Variants in SUMF1 observed in about 807,000 individuals in gnomAD.
The protein encoded by SUMF1 is formylglycine-generating enzyme.
In SUMF1, 48 loss-of-function variants were observed where a neutral mutation model predicts 47.6. That is an observed-to-expected ratio of 1.01 (90% confidence interval 0.80 to 1.28). The LOEUF is 1.28. Among genes scored for constraint, SUMF1 ranks in the 50% most tolerant of loss-of-function variants. The probability of loss-of-function intolerance (pLI) is 0.00; values close to 1 mark genes in which losing one functional copy is unlikely to be tolerated. For missense variants in SUMF1, 571 were observed against 485.4 expected (o/e 1.18, Z -1.66); for synonymous variants, 230 against 192.1 (o/e 1.20, Z -1.63).
At chr3:4,167,908 C>T (rs1001536849) in intron 8 of SUMF1, among the ~76,000 whole-genome samples, 1 of 152,164 alleles carries the variant, frequency 6.6e-6, no homozygotes, top group African/African-American at 2.4e-5. Flanking sequence ...GAAGATAAAG[C>T]AGGCATCTCT....
intron 1 of SUMF1, among the ~76,000 whole-genome samples, chr3:4,458,139 C>T (rs2079714950): frequency 6.6e-6 from 1 of 152,170 alleles, no homozygotes; most frequent in Non-Finnish European, 1.5e-5. Flanking sequence ...ATGCTCTTCA[C>T]AACTAATTAC....
At chr3:4,404,577 G>A (rs572585151) in intron 7 of SUMF1, among the ~76,000 whole-genome samples, 2 of 152,056 alleles carry the variant, frequency 1.3e-5, no homozygotes, top group Admixed American at 6.6e-5. Flanking sequence ...GACCAACATG[G>A]CGAAACCCCG....
chr3:4,295,644 T>C (rs1282988435), intron 8 of SUMF1, among the ~76,000 whole-genome samples: 1 of 152,226 alleles, frequency 6.6e-6, no homozygotes, highest in African/African-American at 2.4e-5. Flanking sequence ...ATAATAAATT[T>C]GTTCATATGT....
intron 8 of SUMF1, among the ~76,000 whole-genome samples, chr3:4,189,268 C>G (rs1334771144): frequency 6.6e-6 from 1 of 152,092 alleles, no homozygotes; most frequent in Non-Finnish European, 1.5e-5. Context: ...ATACTCCATA[C>G]CAGCAGACTT....
intron 7 of SUMF1, among the ~76,000 whole-genome samples, chr3:4,378,403 T>C (rs1312435923): frequency 3.9e-5 from 6 of 152,196 alleles, no homozygotes; most frequent in African/African-American, 1.4e-4. Context: ...AGTCAAACCA[T>C]TGTAAGTAGG....
At chr3:4,392,177 C>T (rs1700890341) in intron 7 of SUMF1, among the ~76,000 whole-genome samples, 1 of 152,098 alleles carries the variant, frequency 6.6e-6, no homozygotes, top group Non-Finnish European at 1.5e-5. Context: ...CTTTCTTCTA[C>T]CATTTCTTAT....
intron 9 of SUMF1, among the ~76,000 whole-genome samples, chr3:4,041,712 A>G (rs540555427): frequency 1.3e-5 from 2 of 152,306 alleles, no homozygotes; most frequent in East Asian, 3.9e-4. Flanking sequence ...AAAATAACAC[A>G]TCTTGTAAGG....
chr3:4,178,568 AC>A (rs1297444967), intron 8 of SUMF1, among the ~76,000 whole-genome samples: 1 of 152,160 alleles, frequency 6.6e-6, no homozygotes, highest in Non-Finnish European at 1.5e-5. Context: ...TTTATGACAA[AC>A]CCACAGCCAA....
chr3:4,392,009 G>T (rs1046168755), intron 7 of SUMF1, among the ~76,000 whole-genome samples: 3 of 151,690 alleles, frequency 2.0e-5, no homozygotes, highest in African/African-American at 7.3e-5. Flanking sequence ...TTTATTTCTT[G>T]TAGAGACATG....
intron 8 of SUMF1, among the ~76,000 whole-genome samples, chr3:4,154,239 T>G (rs1400716312): frequency 6.6e-6 from 1 of 151,516 alleles, no homozygotes; most frequent in Non-Finnish European, 1.5e-5. Context: ...TGGTGGATTC[T>G]GGGTCTGAAT....
intron 8 of SUMF1, among the ~76,000 whole-genome samples, chr3:4,306,263 C>T (rs1023517671): frequency 6.6e-6 from 1 of 152,114 alleles, no homozygotes; most frequent in Admixed American, 6.5e-5. Context: ...TTTTAATTAA[C>T]TCACTTTAAG....
intron 8 of SUMF1, among the ~76,000 whole-genome samples, chr3:4,311,330 G>A (rs1166420891): frequency 1.3e-5 from 2 of 152,148 alleles, no homozygotes; most frequent in Admixed American, 6.6e-5. Context: ...TAATAATGGA[G>A]GATTGACTGG....
At chr3:4,236,792 C>T (rs1425539556) in intron 8 of SUMF1, among the ~76,000 whole-genome samples, 1 of 152,016 alleles carries the variant, frequency 6.6e-6, no homozygotes, top group Non-Finnish European at 1.5e-5. Context: ...TAAGGTTCAC[C>T]CTTAGTGTTG....
chr3:4,215,423 C>A (rs187963953), intron 8 of SUMF1, among the ~76,000 whole-genome samples: 1 of 152,126 alleles, frequency 6.6e-6, no homozygotes, highest in Non-Finnish European at 1.5e-5. Flanking sequence ...TTATGACAAA[C>A]CCACAGCCAA....
At chr3:4,155,200 A>G (rs984187694) in intron 8 of SUMF1, among the ~76,000 whole-genome samples, 12 of 151,436 alleles carry the variant, frequency 7.9e-5, no homozygotes, top group South Asian at 2.1e-4. Context: ...GGCCAGTCCT[A>G]TGCCAATTAA....
Position 4,244,230 on chromosome 3 carries a change from T to G in SUMF1, c.1014+132100A>C, listed in dbSNP as rs988273776. 2.6e-5 allele frequency among the ~76,000 whole-genome samples: 4 copies of G among 152,362 alleles called. No individual in the cohort carries two copies. The East Asian group carries it at 7.7e-4, about 29-fold the overall frequency. ...CTATCCAACTTGCCAGTCTGTGTCT[T>G]TTAATTGGGGCATTTAGCCCATTTA... On this transcript the variant is annotated intron_variant and NMD_transcript_variant, in intron 8 of 12. Coordinates refer to the SUMF1 transcript ENST00000448413.
At chr3:4,171,749 G>A (rs999035177) in intron 8 of SUMF1, among the ~76,000 whole-genome samples, 1 of 152,128 alleles carries the variant, frequency 6.6e-6, no homozygotes, top group African/African-American at 2.4e-5. Context: ...AGATGGAGTT[G>A]TAGGCTGGGA....
intron 9 of SUMF1, among the ~76,000 whole-genome samples, chr3:4,046,532 A>G (rs1487128446): frequency 6.6e-6 from 1 of 152,130 alleles, no homozygotes; most frequent in Non-Finnish European, 1.5e-5. Context: ...CTTCGTCTCA[A>G]TAAATGTCAC....
At chr3:4,421,027 C>T (rs148051667) in intron 3 of SUMF1, among the ~76,000 whole-genome samples, 178 of 152,286 alleles carry the variant, frequency 1.2e-3, no homozygotes, top group African/African-American at 4.1e-3. Context: ...ATACAGAGGT[C>T]AAGTGAGGTA....
Sources: allele counts gnomAD v4.1 joint callset (sites outside exome capture counted in the v4.1 genomes callset), GRCh38; gene constraint gnomAD v4.1.1; transcripts MANE v1.5; gene names NCBI Gene and HGNC (gene_info 2026-07-23, HGNC 2026-07-21).